The following DIP2A variants were observed in gnomAD, a reference collection of about 807,000 sequenced individuals.
DIP2A encodes disco-interacting protein 2 homolog A.
Under a neutral mutation model 177.4 loss-of-function variants are expected in DIP2A, and 85 were observed. That is an observed-to-expected ratio of 0.48 (90% CI 0.40 to 0.57). The LOEUF is 0.57. Among genes scored for constraint, DIP2A ranks in the 20% least tolerant of loss-of-function variants. DIP2A has a pLI of 0.00. For synonymous variants in DIP2A, 886 were observed against 881.8 expected (o/e 1.00, Z -0.08); for missense variants, 1,791 against 2,100.2 (o/e 0.85, Z 2.88).
rs1419899208 is a variant in DIP2A at position 46,509,249 on chromosome 21, C to T, written c.785-8C>T. ...GGCCTCAGTGCTCCTCTGTCCTTCC[C>T]GTGACAGGTGTCCCTGTGAACAGCA... On this transcript the variant is annotated splice_polypyrimidine_tract_variant and splice_region_variant and intron_variant, in intron 6 of 37. Coordinates refer to ENST00000417564, the MANE Select transcript of DIP2A (RefSeq NM_015151.4). 3.7e-6 allele frequency: 6 copies of T among 1,610,022 alleles called. No homozygotes were observed. Among genetic ancestry groups the T allele is most frequent in the East Asian group, 4.5e-5 (2 of 44,840 alleles).
chr21:46,469,084 A>C (rs2148301382), intron 1 of DIP2A: 1 of 152,212 alleles, frequency 6.6e-6, no homozygotes, highest in East Asian at 1.9e-4. Context: ...TCACTCTTGT[A>C]GGATCATAAT....
At chr21:46,466,013 AATG>A (rs1483673732) in intron 1 of DIP2A, among the ~76,000 whole-genome samples, 8 of 152,214 alleles carry the variant, frequency 5.3e-5, no homozygotes, top group African/African-American at 1.9e-4. Flanking sequence ...ATTTATGACC[AATG>A]ATAATATTTG....
intron 8 of DIP2A, among the ~76,000 whole-genome samples, chr21:46,528,134 G>A (rs1306546677): frequency 1.3e-5 from 2 of 152,052 alleles, no homozygotes; most frequent in Admixed American, 6.6e-5. Flanking sequence ...ATTGATACCC[G>A]GATCACCTTT....
In DIP2A at chr21:46,562,363, C is replaced by T. The variant is rs969995088; in HGVS notation, c.4089+558C>T. On this transcript the variant is annotated intron_variant, in intron 34 of 37. Transcript: ENST00000417564. ...AAGGGTTCAAAGGAAGGAGGAAAAG[C>T]CACACAGCCCAGGAAGGCAGCATGA... 5.3e-5 allele frequency among the ~76,000 whole-genome samples: 8 copies of T among 152,326 alleles called. 1 individual carries two copies. The highest frequency in any genetic ancestry group is 1.9e-4 in the African/African-American group (8 of 41,576).
the DIP2A span, among the ~76,000 whole-genome samples, chr21:46,577,092 T>G: frequency 6.6e-6 from 1 of 152,228 alleles, no homozygotes; most frequent in Non-Finnish European, 1.5e-5. Flanking sequence ...TTTGCTCTGA[T>G]GATAGTTTCT....
At position 46,567,723 on chromosome 21, in the gene DIP2A, T is replaced by G; in HGVS notation, c.*101T>G. ...GAGCTCACTCACCGGGACTCGCCCTTCCTGTGCTCTTACAGATCCCTCTCA... is the reference window on the plus strand; with the variant it reads ...GAGCTCACTCACCGGGACTCGCCCTGCCTGTGCTCTTACAGATCCCTCTCA... On this transcript the variant is annotated 3_prime_UTR_variant, in exon 38 of 38. Coordinates refer to ENST00000417564, the MANE Select transcript of DIP2A (RefSeq NM_015151.4). The G allele has an allele frequency of 3.5e-6, 5 of 1,415,156 alleles. 1 individual carries two copies. In the South Asian group the frequency reaches 5.7e-5, roughly 16 times the overall value. The allele number at this position is 1,415,156 out of a possible 1,614,324, so 87.7% of individuals were successfully genotyped here.
chr21:46,536,116 G>A (rs1161950270), intron 13 of DIP2A, among the ~76,000 whole-genome samples: 1 of 152,226 alleles, frequency 6.6e-6, no homozygotes, highest in Non-Finnish European at 1.5e-5. Context: ...AATAATTTGT[G>A]TTCTTAACCA....
chr21:46,526,961 T>C (rs1427707206), intron 8 of DIP2A, among the ~76,000 whole-genome samples: 2 of 152,232 alleles, frequency 1.3e-5, no homozygotes, highest in African/African-American at 2.4e-5. Flanking sequence ...TTATGATATT[T>C]CCTGTTGGGT....
intron 6 of DIP2A, among the ~76,000 whole-genome samples, chr21:46,506,726 TTCTTTC>T (rs1568994269): frequency 1.7e-5 from 1 of 58,106 alleles, no homozygotes; most frequent in East Asian, 6.9e-4. Context: ...GTGCTTGTTT[TTCTTTC>T]TTTCTTTCTT....
At chr21:46,469,222 G>A (rs1262547785) in intron 1 of DIP2A, 2 of 152,202 alleles carry the variant, frequency 1.3e-5, no homozygotes, top group East Asian at 3.9e-4. Context: ...CATTTTAATG[G>A]ATGCTTATTG....
intron 1 of DIP2A, among the ~76,000 whole-genome samples, chr21:46,461,237 C>T (rs1007101133): frequency 8.1e-6 from 1 of 123,844 alleles, no homozygotes; most frequent in African/African-American, 3.2e-5. Flanking sequence ...GCACTCCAGC[C>T]TGGGCAACAG....
At chr21:46,545,377 G>T in intron 19 of DIP2A, 104 bp downstream of exon 19, 1 of 1,376,294 alleles carries the variant, frequency 7.3e-7, no homozygotes, top group Non-Finnish European at 9.9e-7. Flanking sequence ...TGCGGGGATG[G>T]TCTCCTTCCA....
chr21:46,569,121 G>A lies in DIP2A; in HGVS notation c.*1499G>A, dbSNP rs1375244353. 6.6e-6 allele frequency: 1 copy of A among 152,126 alleles called. No homozygotes were observed. Among genetic ancestry groups the A allele is most frequent in the African/African-American group, 2.4e-5 (1 of 41,426 alleles). The allele number at this position is 152,126 out of a possible 1,614,324, so 9.4% of individuals were successfully genotyped here. Reference sequence around the variant, plus strand: ...GAAGAGTATGTTACGAAATTGTTGGGTTTTTGGGGTATTGAGGGTGGCAAA... The same window carrying A: ...GAAGAGTATGTTACGAAATTGTTGGATTTTTGGGGTATTGAGGGTGGCAAA... On this transcript the variant is annotated 3_prime_UTR_variant, in exon 38 of 38. Transcript: ENST00000417564.
chr21:46,549,703 G>T, intron 21 of DIP2A, 68 bp from the exon 22 acceptor site: 1 of 1,591,656 alleles, frequency 6.3e-7, no homozygotes, highest in South Asian at 1.1e-5. Context: ...TCCATCGTGA[G>T]GGTGAGAATG....
At position 46,565,651 on chromosome 21, in the gene DIP2A, G is replaced by T. The variant is rs552325804; in HGVS notation, c.4165-62G>T. The T allele has an allele frequency of 1.6e-5, 24 of 1,516,116 alleles. 1 individual carries two copies. In the African/African-American group the frequency reaches 2.1e-4, roughly 13 times the overall value. The allele number at this position is 1,516,116 out of a possible 1,614,324, so 93.9% of individuals were successfully genotyped here. On this transcript the variant is annotated intron_variant, in intron 35 of 37. Transcript: ENST00000417564. ...ATTATTCTTGGCCAGTGGATGTCTC[G>T]TGACAGAATCTGAACTCGGTGGTTG... is the stretch of plus-strand genomic sequence containing the variant.
rs182944228 is a variant in DIP2A, at chr21:46,531,142, G to A, written c.1195-985G>A. Among the ~76,000 whole-genome samples, 44 of 152,194 alleles carry A rather than the reference G, an allele frequency of 2.9e-4. 1 individual carries two copies. In the East Asian group the frequency reaches 8.3e-3, roughly 29 times the overall value. On this transcript the variant is annotated intron_variant, in intron 9 of 37. Transcript: ENST00000417564. ...AGGACGATCACTGGCAGCAGTCCAGGGGGGGCAGCAGAGCCACCATCAGGA... is the reference window on the plus strand; with the variant it reads ...AGGACGATCACTGGCAGCAGTCCAGAGGGGGCAGCAGAGCCACCATCAGGA...
At chr21:46,515,445 A>G (rs1214413238) in intron 8 of DIP2A, among the ~76,000 whole-genome samples, 1 of 134,762 alleles carries the variant, frequency 7.4e-6, no homozygotes, top group Non-Finnish European at 1.6e-5. Context: ...CCTGTGACAC[A>G]CTTCCTCTTT....
intron 18 of DIP2A, among the ~76,000 whole-genome samples, chr21:46,542,129 T>C (rs563736810): frequency 2.0e-5 from 3 of 152,278 alleles, no homozygotes; most frequent in Non-Finnish European, 4.4e-5. Flanking sequence ...AAGTAAAAGA[T>C]TTCTCAAGAA....
At chr21:46,536,253 G>T (rs1020398824) in intron 13 of DIP2A, among the ~76,000 whole-genome samples, 3 of 152,234 alleles carry the variant, frequency 2.0e-5, no homozygotes, top group Non-Finnish European at 4.4e-5. Flanking sequence ...TCTGCCCACA[G>T]CCCCAGGCTC....
Sources: gnomAD v4.1 joint callset for allele counts (sites outside exome capture counted in the v4.1 genomes callset) on GRCh38, gnomAD v4.1.1 for gene constraint, MANE v1.5 for transcripts, NCBI Gene and HGNC (gene_info 2026-07-23, HGNC 2026-07-21) for gene names.